METTL22: variants seen among roughly 807,000 people sequenced by gnomAD.
METTL22 encodes methyltransferase-like protein 22.
METTL22 carries 51 observed loss-of-function variants against 48.4 expected under a neutral mutation model. The observed-to-expected ratio is 1.05, with a 90% CI of 0.84 to 1.33. The LOEUF is 1.33. Ranked by LOEUF, METTL22 falls within the 40% of genes most tolerant of loss-of-function variation. The probability of loss-of-function intolerance (pLI) is 0.00; values close to 1 mark genes in which losing one functional copy is unlikely to be tolerated. For missense variants in METTL22, 678 were observed against 526.9 expected (o/e 1.29, Z -2.81); for synonymous variants, 255 against 214.1 (o/e 1.19, Z -1.67).
At chr16:8,658,162 A>C in the METTL22 span, among the ~76,000 whole-genome samples, 4 of 152,312 alleles carry the variant, frequency 2.6e-5, no homozygotes, top group African/African-American at 7.2e-5. Flanking sequence ...TGAGAACCAC[A>C]GTGAAGATGG....
the METTL22 span, among the ~76,000 whole-genome samples, chr16:8,656,922 AG>A: frequency 6.6e-6 from 1 of 152,256 alleles, no homozygotes; most frequent in Non-Finnish European, 1.5e-5. Context: ...AGAACGAGAG[AG>A]AAGTAAACAT....
intron 10 of METTL22, 139 bp from the exon 11 acceptor site, chr16:8,645,969 C>T: frequency 7.9e-7 from 1 of 1,262,440 alleles, no homozygotes; most frequent in Admixed American, 5.3e-5. Flanking sequence ...AGCCGCCCGT[C>T]CGCTCCTGCC....
At position 8,646,940 on chromosome 16, in the gene METTL22, ATCC is replaced by A. The variant is rs1160741933; in HGVS notation, c.*800_*802del. The stretch of plus-strand genomic sequence containing the variant: ...CCTCCCATCTCCACCCCTTCCTGTC[ATCC>A]TCTATGTCCCACTGTCTCTCTCCTT... On this transcript the variant is annotated 3_prime_UTR_variant, in exon 11 of 11. Coordinates refer to ENST00000381920, the MANE Select transcript of METTL22 (RefSeq NM_024109.4). The A allele has an allele frequency of 8.6e-6, 3 of 347,318 alleles. No individual in the cohort carries two copies. Among genetic ancestry groups the A allele is most frequent in the African/African-American group, 6.5e-5 (3 of 46,314 alleles). The allele number at this position is 347,318 out of a possible 1,614,324, so 21.5% of individuals were successfully genotyped here.
At chr16:8,651,498 G>C (rs537354684), downstream of METTL22, among the ~76,000 whole-genome samples, 16 of 151,816 alleles carry the variant, frequency 1.1e-4, no homozygotes, top group South Asian at 3.3e-3. Flanking sequence ...TAGAGTTTTT[G>C]GCTTGGCGGA....
At position 8,649,449 on chromosome 16, in the gene METTL22, A is replaced by G. The variant is rs920107894; in HGVS notation, c.*3306A>G. 1 of 152,144 alleles carries G rather than the reference A, an allele frequency of 6.6e-6. No homozygotes were observed. Among genetic ancestry groups the G allele is most frequent in the African/African-American group, 2.4e-5 (1 of 41,446 alleles). The allele number at this position is 152,144 out of a possible 1,614,324, so 9.4% of individuals were successfully genotyped here. Reference sequence around the variant, plus strand: ...ACATTTTCAGAAAAATATGTGACCCAAGGAGGGGACTTGGCTGTTCAGCTG... The same window carrying G: ...ACATTTTCAGAAAAATATGTGACCCGAGGAGGGGACTTGGCTGTTCAGCTG... On this transcript the variant is annotated 3_prime_UTR_variant, in exon 11 of 11. Transcript: ENST00000381920.
At chr16:8,627,558 G>A (rs1596334116) in intron 2 of METTL22, among the ~76,000 whole-genome samples, 1 of 152,104 alleles carries the variant, frequency 6.6e-6, no homozygotes, top group Admixed American at 6.5e-5. Context: ...CCCTAATTTG[G>A]ATGGTACATT....
intron 2 of METTL22, among the ~76,000 whole-genome samples, chr16:8,626,521 T>C (rs949644165): frequency 2.0e-5 from 3 of 148,652 alleles, no homozygotes; most frequent in Non-Finnish European, 3.0e-5. Context: ...CGACCTCGGC[T>C]CACTGCAACC....
chr16:8,633,158 C>T (rs908332426), intron 3 of METTL22, among the ~76,000 whole-genome samples: 5 of 152,106 alleles, frequency 3.3e-5, no homozygotes, highest in African/African-American at 1.2e-4. Context: ...ACCACAGACA[C>T]CCCTTCCCCT....
chr16:8,634,273 CAG>C (rs1651812531), intron 3 of METTL22, among the ~76,000 whole-genome samples: 1 of 152,196 alleles, frequency 6.6e-6, no homozygotes, highest in Admixed American at 6.5e-5. Flanking sequence ...CGGGGACAGA[CAG>C]AGCGATTGGC....
In METTL22 at chr16:8,630,438, G is replaced by GA. The variant is rs1271916855; in HGVS notation, c.514+1329dup. On this transcript the variant is annotated intron_variant, in intron 3 of 10. Coordinates refer to ENST00000381920, the MANE Select transcript of METTL22 (RefSeq NM_024109.4). Reference sequence around the variant, plus strand: ...CACAGCTAGTCAGTGGCAGAGCTGAGACTTGTACCTAGGTCTGTCTGACGC... The same window carrying GA: ...CACAGCTAGTCAGTGGCAGAGCTGAGAACTTGTACCTAGGTCTGTCTGACGC... Among the ~76,000 whole-genome samples the GA allele has an allele frequency of 2.6e-5, 4 of 152,298 alleles. No individual in the cohort carries two copies. In the East Asian group the frequency reaches 5.8e-4, roughly 22 times the overall value.
chr16:8,627,234 G>C (rs57398370), intron 2 of METTL22, among the ~76,000 whole-genome samples: 1,791 of 152,212 alleles, frequency 0.012, 40 homozygotes, highest in African/African-American at 0.041. Flanking sequence ...GTTGCTCTCA[G>C]AATAACATCC....
In METTL22 at chr16:8,642,189, A is replaced by G. The variant is rs2056639798; in HGVS notation, c.889A>G (p.Ile297Val). The G allele has an allele frequency of 6.2e-7, 1 of 1,613,404 alleles. No homozygotes were observed. The highest frequency in any genetic ancestry group is 1.3e-5 in the African/African-American group (1 of 74,910). ...EISDLYDHTT[I>V]LFAAEVFYDD... is the part of the protein sequence containing the mutation. ...TTCTGACTTGTACGATCACACCACC[A>G]TCCTGTTTGCAGCCGAAGGTAAGAA... The change falls in exon 8 of 11, where the codon ATC becomes GTC. Residue 297 changes from isoleucine to valine, a missense_variant. Ile to Val is a conservative substitution (Grantham distance 29, BLOSUM62 3). Coordinates refer to ENST00000381920, the MANE Select transcript of METTL22 (RefSeq NM_024109.4).
At chr16:8,659,870 A>C in the METTL22 span, among the ~76,000 whole-genome samples, 1 of 151,830 alleles carries the variant, frequency 6.6e-6, no homozygotes, top group African/African-American at 2.4e-5. Flanking sequence ...GATTACAGGC[A>C]CAAGTCACCA....
chr16:8,642,474 G>T lies in METTL22; in HGVS notation c.919G>T (p.Asp307Tyr). Residue 307 changes from aspartate (D) to tyrosine (Y), a missense_variant, in exon 9 of 11, where the codon GAC becomes TAC. Coordinates refer to ENST00000381920, the MANE Select transcript of METTL22 (RefSeq NM_024109.4). ...ILFAAEVFYD[D>Y]DLTDAVFKTL... ...TTTGCTTCCCACAGTGTTTTACGAC[G>T]ACGACTTGACTGATGCTGTGTTTAA... 1 of 1,614,150 alleles carries T rather than the reference G, an allele frequency of 6.2e-7. No individual in the cohort carries two copies. The highest frequency in any genetic ancestry group is 8.5e-7 in the Non-Finnish European group (1 of 1,180,032).
the METTL22 span, among the ~76,000 whole-genome samples, chr16:8,657,488 G>A: frequency 6.6e-6 from 1 of 152,122 alleles, no homozygotes; most frequent in Admixed American, 6.5e-5. Context: ...CCTTTGTCCT[G>A]TCCCTCTTTA....
At chr16:8,662,752 C>T in the METTL22 span, among the ~76,000 whole-genome samples, 2 of 144,302 alleles carry the variant, frequency 1.4e-5, no homozygotes, top group Non-Finnish European at 1.5e-5. Flanking sequence ...GAACATGGCA[C>T]CTGGCATCTG....
At chr16:8,625,881 G>A (rs62019681) in intron 2 of METTL22, 83 bp downstream of exon 2, 164,433 of 1,542,186 alleles carry the variant, frequency 0.11, 9,893 homozygotes, top group Middle Eastern at 0.15. Flanking sequence ...AAAATATTGG[G>A]AAGACTGGAT....
intron 3 of METTL22, among the ~76,000 whole-genome samples, chr16:8,630,123 G>A (rs1025802192): frequency 1.1e-4 from 16 of 152,156 alleles, no homozygotes; most frequent in Non-Finnish European, 5.9e-5. Context: ...CCCAGCACTG[G>A]CCTTTGGTCA....
the METTL22 span, among the ~76,000 whole-genome samples, chr16:8,660,837 A>G: frequency 8.5e-4 from 1 of 1,174 alleles, no homozygotes; most frequent in South Asian, 0.038. Flanking sequence ...GAGGGGGAGG[A>G]GGGGGAGGAG....
Sources: allele counts gnomAD v4.1 joint callset (sites outside exome capture counted in the v4.1 genomes callset), GRCh38; gene constraint gnomAD v4.1.1; transcripts MANE v1.5; gene names NCBI Gene and HGNC (gene_info 2026-07-23, HGNC 2026-07-21).